Variants in BCAR1 observed in about 807,000 individuals in gnomAD.
BCAR1 encodes BCAR1 scaffold protein, Cas family member, also known as breast cancer anti-estrogen resistance protein 1.
BCAR1 carries 30 observed loss-of-function variants against 67.6 expected under a neutral mutation model. That is an observed-to-expected ratio of 0.44 (90% CI 0.33 to 0.60). The LOEUF (loss-of-function observed/expected upper bound fraction) is 0.60, where lower values mean the gene tolerates loss of function less well. BCAR1 is among the 20% of genes least tolerant of loss of function. The pLI is 0.02. For synonymous variants in BCAR1, 626 were observed against 556.7 expected (o/e 1.12, Z -1.75); for missense variants, 1,313 against 1,222.3 (o/e 1.07, Z -1.11).
At chr16:75,237,393 G>A in intron 2 of BCAR1, 49 bp from the exon 3 acceptor site, 1 of 1,414,662 alleles carries the variant, frequency 7.1e-7, no homozygotes, top group Non-Finnish European at 9.2e-7. Flanking sequence ...CAGCCCTTAG[G>A]GAGGCTCCAC....
chr16:75,251,646 A>G (rs1469746917), upstream of BCAR1: 5 of 1,000,418 alleles, frequency 5.0e-6, no homozygotes, highest in Non-Finnish European at 5.9e-6. Context: ...GCCTGCCGCC[A>G]CGGCCCAGCC....
At chr16:75,247,386 G>T (rs1467359373) in intron 1 of BCAR1, 1 of 153,436 alleles carries the variant, frequency 6.5e-6, no homozygotes, top group Non-Finnish European at 1.5e-5. Flanking sequence ...TCTGAGAATG[G>T]CCCTCATTGT....
intron 1 of BCAR1, chr16:75,266,154 T>G (rs1202592656): frequency 4.2e-6 from 2 of 479,306 alleles, no homozygotes; most frequent in African/African-American, 4.2e-5. Flanking sequence ...GCGGGCCACC[T>G]CCAGTCGCAC....
In BCAR1 at chr16:75,229,132, G is replaced by C; in HGVS notation, c.*379C>G. On this transcript the variant is annotated 3_prime_UTR_variant, in exon 7 of 7. Coordinates refer to ENST00000162330, the MANE Select transcript of BCAR1 (RefSeq NM_014567.5). ...CTTCAGGTTCTTCTCCTGGTAAGGC[G>C]GAGGACACACCAAACTGCACTGGCC... 4.7e-6 allele frequency: 1 copy of C among 214,454 alleles called. No individual in the cohort carries two copies. Among genetic ancestry groups the C allele is most frequent in the Middle Eastern group, 1.7e-3 (1 of 606 alleles). The allele number at this position is 214,454 out of a possible 1,614,324, so 13.3% of individuals were successfully genotyped here.
At chr16:75,267,780 A>C in intron 1 of BCAR1, 1 of 898,834 alleles carries the variant, frequency 1.1e-6, no homozygotes, top group Non-Finnish European at 1.7e-6. Context: ...AGCCCAAGGG[A>C]GGGGCGCAGA....
At chr16:75,255,916 G>A (rs1048137395), upstream of BCAR1, among the ~76,000 whole-genome samples, 1 of 152,038 alleles carries the variant, frequency 6.6e-6, no homozygotes, top group Non-Finnish European at 1.5e-5. Context: ...ACTTGAACCC[G>A]GGAGGCGGAG....
upstream of BCAR1, chr16:75,251,993 G>C (rs992304207): frequency 1.6e-6 from 1 of 620,604 alleles, no homozygotes. Flanking sequence ...ATGGCCTCAA[G>C]TCGACTTGTC....
At chr16:75,238,640 C>CCTGGTAGCAGAGT in intron 2 of BCAR1, 1 of 986,202 alleles carries the variant, frequency 1.0e-6, no homozygotes, top group African/African-American at 1.7e-5. Flanking sequence ...CTCCAGCACG[C>CCTGGTAGCAGAGT]CTGGTAGCAG....
chr16:75,235,279 C>T lies in BCAR1; in HGVS notation c.1620G>A (p.Lys540=). Residue 540 remains lysine (K), a synonymous_variant, in exon 5 of 7, where the codon AAG becomes AAA. Coordinates refer to ENST00000162330, the MANE Select transcript of BCAR1 (RefSeq NM_014567.5). ...AHTSDRALHA[K]LSRQLQKMED... ...CCATCTTCTGCAGCTGCCGGCTAAGCTTGGCATGCAGGGCACGGTCAGATG... is the reference window on the plus strand; with the variant it reads ...CCATCTTCTGCAGCTGCCGGCTAAGTTTGGCATGCAGGGCACGGTCAGATG... The T allele has an allele frequency of 6.2e-7, 1 of 1,606,292 alleles. No homozygotes were observed. The highest frequency in any genetic ancestry group is 1.1e-5 in the South Asian group (1 of 90,992).
chr16:75,262,684 C>T (rs1027456116), intron 1 of BCAR1, among the ~76,000 whole-genome samples: 4 of 152,088 alleles, frequency 2.6e-5, no homozygotes, highest in African/African-American at 7.2e-5. Context: ...CCCCCACTCA[C>T]ACCACTGCCT....
At position 75,237,138 on chromosome 16, in the gene BCAR1, A is replaced by G. The variant is rs774505809; in HGVS notation, c.795+45T>C. ...TCGGCCCAGGGCCAAGCAGAGGCAC[A>G]GACTTGCCGCCCTGCCCTCCCACCG... On this transcript the variant is annotated intron_variant, in intron 3 of 6. Coordinates refer to ENST00000162330, the MANE Select transcript of BCAR1 (RefSeq NM_014567.5). The G allele has an allele frequency of 8.0e-6, 12 of 1,495,182 alleles. No homozygotes were observed. The East Asian group carries it at 2.9e-4, about 37-fold the overall frequency. The allele number at this position is 1,495,182 out of a possible 1,614,324, so 92.6% of individuals were successfully genotyped here.
intron 1 of BCAR1, chr16:75,266,833 C>A (rs1339781462): frequency 2.3e-6 from 3 of 1,290,596 alleles, no homozygotes; most frequent in African/African-American, 1.5e-5. Flanking sequence ...CAGCGCTGCC[C>A]ACCCCAGGGA....
At chr16:75,245,961 G>GTTTTTTTTTTTTT (rs1405738465) in intron 1 of BCAR1, 2 of 27,004 alleles carry the variant, frequency 7.4e-5, no homozygotes, top group African/African-American at 9.7e-5. Flanking sequence ...TCATAGGATT[G>GTTTTTTTTTTTTT]TTCTTTTTTT....
chr16:75,263,624 C>T, intron 1 of BCAR1: 6 of 985,446 alleles, frequency 6.1e-6, no homozygotes, highest in Non-Finnish European at 7.2e-6. Flanking sequence ...ACAACCAGCC[C>T]ACCAATCTCT....
At chr16:75,263,435 A>G in intron 1 of BCAR1, 2 of 985,276 alleles carry the variant, frequency 2.0e-6, no homozygotes, top group Non-Finnish European at 1.2e-6. Context: ...TCCAGGCAGC[A>G]CACGAGCACT....
At position 75,229,832 on chromosome 16, in the gene BCAR1, G is replaced by A. The variant is rs1597147043; in HGVS notation, c.2292C>T (p.Ala764=). 1 of 1,613,434 alleles carries A rather than the reference G, an allele frequency of 6.2e-7. No individual in the cohort carries two copies. Among genetic ancestry groups the A allele is most frequent in the South Asian group, 1.1e-5 (1 of 91,092 alleles). Residue 764 remains alanine, a synonymous_variant, in exon 7 of 7, where the codon GCC becomes GCT. Transcript: ENST00000162330. ...NLTTLTNAVD[A]FFTAVATNQP... ...GGTTGGTGGCCACGGCGGTAAAGAA[G>A]GCGTCCACGGCGTTGGTCAGTGTGG...
At chr16:75,265,419 G>A (rs929147049) in intron 1 of BCAR1, among the ~76,000 whole-genome samples, 1 of 152,190 alleles carries the variant, frequency 6.6e-6, no homozygotes, top group African/African-American at 2.4e-5. Flanking sequence ...AGCAGTCCCG[G>A]AGGGGAGTCG....
upstream of BCAR1, chr16:75,252,381 T>C: frequency 2.0e-6 from 3 of 1,512,976 alleles, no homozygotes; most frequent in Middle Eastern, 1.7e-4. Flanking sequence ...TTCAGCGACA[T>C]GGGGTAGGAG....
upstream of BCAR1, among the ~76,000 whole-genome samples, chr16:75,252,829 G>A (rs2077707439): frequency 6.6e-6 from 1 of 152,202 alleles, no homozygotes; most frequent in South Asian, 2.1e-4. Context: ...ACCTTGGCAG[G>A]CCCTCTCCCC....
Sources: gnomAD v4.1 joint callset for allele counts (sites outside exome capture counted in the v4.1 genomes callset) on GRCh38, gnomAD v4.1.1 for gene constraint, MANE v1.5 for transcripts, NCBI Gene and HGNC (gene_info 2026-07-23, HGNC 2026-07-21) for gene names.